The following RP1 variants were observed in gnomAD, a reference collection of about 807,000 sequenced individuals.
RP1 encodes oxygen-regulated protein 1.
In RP1, 16 loss-of-function variants were observed where a neutral mutation model predicts 14.8. The observed-to-expected ratio is 1.08, with a 90% CI of 0.73 to 1.65. The LOEUF (loss-of-function observed/expected upper bound fraction) is 1.65. Ranked by LOEUF, RP1 falls within the 40% of genes most tolerant of loss-of-function variation. RP1 has a pLI of 0.00. For missense variants in RP1, 2,631 were observed against 2,535.0 expected (o/e 1.04, Z -0.81); for synonymous variants, 876 against 883.6 (o/e 0.99, Z 0.15).
chr8:54,766,672 TC>T (rs1426957637), intron 22 of RP1, among the ~76,000 whole-genome samples: 1 of 152,180 alleles, frequency 6.6e-6, no homozygotes, highest in African/African-American at 2.4e-5. Context: ...TCGTTATACA[TC>T]TTCCCCCAGC....
Position 54,630,529 on chromosome 8 carries a change from G to A in RP1, c.*176G>A. ...GACTTTCATAATGTCTCTGTTTTTT[G>A]TTTTTCCAACAATTACAGACTCAGG... On this transcript the variant is annotated 3_prime_UTR_variant, in exon 4 of 4. Coordinates refer to ENST00000220676, the MANE Select transcript of RP1 (RefSeq NM_006269.2). 1 of 1,369,248 alleles carries A rather than the reference G, an allele frequency of 7.3e-7. No homozygotes were observed. The highest frequency in any genetic ancestry group is 9.4e-7 in the Non-Finnish European group (1 of 1,064,430). The allele number at this position is 1,369,248 out of a possible 1,614,324, so 84.8% of individuals were successfully genotyped here.
At chr8:54,833,557 T>A (rs1811587467) in intron 24 of RP1, among the ~76,000 whole-genome samples, 1 of 152,040 alleles carries the variant, frequency 6.6e-6, no homozygotes, top group South Asian at 2.1e-4. Flanking sequence ...AGGAGAAATA[T>A]GACTGCTATG....
At chr8:54,665,088 C>G (rs959561323) in intron 7 of RP1, among the ~76,000 whole-genome samples, 1 of 152,098 alleles carries the variant, frequency 6.6e-6, no homozygotes, top group African/African-American at 2.4e-5. Flanking sequence ...TGTATTTCCT[C>G]TTTGTTGAAA....
intron 24 of RP1, chr8:54,783,762 T>A: frequency 1.8e-6 from 2 of 1,117,670 alleles, no homozygotes; most frequent in Non-Finnish European, 2.3e-6. Flanking sequence ...GTGATATACA[T>A]CCCCGAAGAT....
rs1362945393 is a variant in RP1 at position 54,628,990 on chromosome 8, A to G, written c.5108A>G (p.Lys1703Arg). 6.2e-7 allele frequency: 1 copy of G among 1,614,112 alleles called. No individual in the cohort carries two copies. ...LQEFQEERQD[K>R]CDVSAVRDNY... ...GAATTCCAGGAGGAAAGACAAGATAAGTGTGATGTTAGTGCTGTGAGGGAC... is the reference window on the plus strand; with the variant it reads ...GAATTCCAGGAGGAAAGACAAGATAGGTGTGATGTTAGTGCTGTGAGGGAC... Residue 1703 changes from lysine (K) to arginine (R), a missense_variant, in exon 4 of 4, where the codon AAG becomes AGG. Coordinates refer to ENST00000220676, the MANE Select transcript of RP1 (RefSeq NM_006269.2).
intron 26 of RP1, among the ~76,000 whole-genome samples, chr8:54,855,469 A>G (rs1812172066): frequency 6.6e-6 from 1 of 152,266 alleles, no homozygotes; most frequent in Non-Finnish European, 1.5e-5. Context: ...AAGACAAATC[A>G]GAAAGCATAA....
In RP1 at chr8:54,605,824, A is replaced by G. The variant is rs189282236; in HGVS notation, c.-12-15131A>G. 2.0e-5 allele frequency among the ~76,000 whole-genome samples: 3 copies of G among 152,014 alleles called. No individual in the cohort carries two copies. The East Asian group carries it at 5.8e-4, about 29-fold the overall frequency. ...TTCTTTGTCTCTTTTGATCTTTGTTAGTTTAAAGTCTGTTTTATCCGAGAC... is the reference window on the plus strand; with the variant it reads ...TTCTTTGTCTCTTTTGATCTTTGTTGGTTTAAAGTCTGTTTTATCCGAGAC... On this transcript the variant is annotated intron_variant, in intron 1 of 22. Coordinates refer to the RP1 transcript ENST00000636932.
At chr8:54,829,171 T>C (rs562269122) in intron 24 of RP1, among the ~76,000 whole-genome samples, 3 of 152,230 alleles carry the variant, frequency 2.0e-5, no homozygotes, top group South Asian at 4.1e-4. Context: ...CAGTCCATCA[T>C]TGACCCAAAT....
At position 54,780,243 on chromosome 8, in the gene RP1, G is replaced by A. The variant is rs1810151785; in HGVS notation, c.3452-3304G>A. 4.6e-5 allele frequency among the ~76,000 whole-genome samples: 7 copies of A among 152,244 alleles called. No individual in the cohort carries two copies. In the South Asian group the frequency reaches 1.4e-3, roughly 31 times the overall value. ...AATTTAATTACAAAAACAGGTGGCA[G>A]GCTGGATTTGGCCCATGGGCCATAG... On this transcript the variant is annotated intron_variant, in intron 23 of 28. Coordinates refer to the RP1 transcript ENST00000637698.
exon 12 of RP1, chr8:54,679,909 A>G: frequency 2.6e-6 from 4 of 1,536,006 alleles, no homozygotes; most frequent in Non-Finnish European, 3.5e-6. Flanking sequence ...AGTTGACGCC[A>G]TTGGAGAGAA....
intron 15 of RP1, among the ~76,000 whole-genome samples, chr8:54,718,797 GAC>G (rs1235639479): frequency 1.3e-5 from 2 of 152,112 alleles, no homozygotes; most frequent in Non-Finnish European, 2.9e-5. Context: ...CAAAGCTATA[GAC>G]ACAGTAAAAT....
intron 24 of RP1, among the ~76,000 whole-genome samples, chr8:54,801,437 T>C (rs1328653234): frequency 6.6e-6 from 1 of 152,064 alleles, no homozygotes; most frequent in African/African-American, 2.4e-5. Flanking sequence ...AATCACAGAC[T>C]TTTTTTTCAT....
At chr8:54,758,624 T>C (rs1809565419) in intron 21 of RP1, among the ~76,000 whole-genome samples, 6 of 152,196 alleles carry the variant, frequency 3.9e-5, no homozygotes, top group Admixed American at 3.9e-4. Context: ...AGTAGGGGTC[T>C]AACGAGAGAA....
At chr8:54,735,998 C>T (rs1229616992) in intron 18 of RP1, among the ~76,000 whole-genome samples, 1 of 152,104 alleles carries the variant, frequency 6.6e-6, no homozygotes, top group Non-Finnish European at 1.5e-5. Flanking sequence ...TGCCTGATTC[C>T]ACCTCCAGAA....
chr8:54,841,388 G>A (rs1811786281), intron 25 of RP1, among the ~76,000 whole-genome samples: 1 of 152,216 alleles, frequency 6.6e-6, no homozygotes, highest in Non-Finnish European at 1.5e-5. Context: ...GGATGCACTT[G>A]AGGGTTGGGT....
At chr8:54,824,299 C>A (rs968060441) in intron 24 of RP1, among the ~76,000 whole-genome samples, 7 of 151,990 alleles carry the variant, frequency 4.6e-5, no homozygotes, top group Admixed American at 4.6e-4. Context: ...CATAGTTTGC[C>A]AGCTTAGATA....
Position 54,621,031 on chromosome 8 carries a change from C to T in RP1, c.65C>T (p.Pro22Leu), listed in dbSNP as rs200017983. The T allele has an allele frequency of 3.6e-5, 58 of 1,614,138 alleles. No homozygotes were observed. Among genetic ancestry groups the T allele is most frequent in the Admixed American group, 1.0e-4 (6 of 60,012 alleles). Reference sequence around the variant, plus strand: ...CCTACGTCTTCTGAAGGTCAAGTTCCACCCCCTCGCCATTTGAGCCTCACT... The same window carrying T: ...CCTACGTCTTCTGAAGGTCAAGTTCTACCCCCTCGCCATTTGAGCCTCACT... ...IHPTSSEGQV[P>L]PPRHLSLTHP... The change falls in exon 2 of 4, where the codon CCA becomes CTA. Residue 22 changes from proline to leucine, a missense_variant. Physicochemically the swap from Pro to Leu is moderately conservative, Grantham distance 98. Transcript: ENST00000220676.
intron 19 of RP1, among the ~76,000 whole-genome samples, chr8:54,743,658 G>A (rs1585654159): frequency 6.6e-6 from 1 of 151,846 alleles, no homozygotes; most frequent in African/African-American, 2.4e-5. Flanking sequence ...TCCGTTCTAC[G>A]AGGACTTCTT....
chr8:54,665,138 C>G (rs560259323), intron 7 of RP1, among the ~76,000 whole-genome samples: 1 of 151,988 alleles, frequency 6.6e-6, no homozygotes, highest in Non-Finnish European at 1.5e-5. Context: ...GATGTCTGTA[C>G]CTTTGTGACT....
Sources: gnomAD v4.1 joint callset for allele counts (sites outside exome capture counted in the v4.1 genomes callset) on GRCh38, gnomAD v4.1.1 for gene constraint, MANE v1.5 for transcripts, NCBI Gene and HGNC (gene_info 2026-07-23, HGNC 2026-07-21) for gene names.